The following ALDH7A1 variants were observed in gnomAD, a reference collection of about 807,000 sequenced individuals.
ALDH7A1 encodes the protein alpha-aminoadipic semialdehyde dehydrogenase.
ALDH7A1 carries 63 observed loss-of-function variants against 79.9 expected under a neutral mutation model. The observed-to-expected ratio is 0.79, with a 90% confidence interval of 0.64 to 0.97. The LOEUF is 0.97. Ranked by LOEUF, ALDH7A1 falls within the 50% of genes least tolerant of loss-of-function variation. The pLI, the probability that ALDH7A1 is intolerant of heterozygous loss-of-function variation, is 0.00. For missense variants in ALDH7A1, 627 were observed against 665.2 expected (o/e 0.94, Z 0.63); for synonymous variants, 240 against 231.2 (o/e 1.04, Z -0.34).
At chr5:126,565,779 G>A (rs1750560949) in intron 9 of ALDH7A1, among the ~76,000 whole-genome samples, 1 of 152,156 alleles carries the variant, frequency 6.6e-6, no homozygotes, top group African/African-American at 2.4e-5. Flanking sequence ...AGATGTAGTA[G>A]GGGCCTGACT....
At chr5:126,557,377 A>T (rs1297957315) in intron 11 of ALDH7A1, among the ~76,000 whole-genome samples, 1 of 152,210 alleles carries the variant, frequency 6.6e-6, no homozygotes, top group Non-Finnish European at 1.5e-5. Flanking sequence ...ACCTGAGGTC[A>T]GGAGTTTGAG....
chr5:126,583,146 C>T (rs1751230920), intron 4 of ALDH7A1, among the ~76,000 whole-genome samples, 172 bp from the exon 5 acceptor site: 1 of 152,192 alleles, frequency 6.6e-6, no homozygotes, highest in Admixed American at 6.5e-5. Flanking sequence ...TTTTTCCTGT[C>T]TACCTTGTTA....
chr5:126,552,778 C>A (rs2112757222), intron 13 of ALDH7A1, among the ~76,000 whole-genome samples: 1 of 150,350 alleles, frequency 6.7e-6, no homozygotes, highest in Non-Finnish European at 1.5e-5. Context: ...TTGATTTGGT[C>A]TTGCTTTGTT....
At chr5:126,550,341 CA>C (rs1749951256) in intron 14 of ALDH7A1, 48 bp from the exon 15 acceptor site, 6 of 1,395,328 alleles carry the variant, frequency 4.3e-6, no homozygotes, top group Non-Finnish European at 6.1e-6. Context: ...GTGTTCAAGT[CA>C]AAGTTCACTG....
rs60720055 is a variant in ALDH7A1 at position 126,592,703 on chromosome 5, A to G, written c.273T>C (p.Thr91=). 0.028 allele frequency: 44,544 copies of G among 1,613,936 alleles called. 1,362 individuals carry two copies. Among genetic ancestry groups the G allele is most frequent in the African/African-American group, 0.15 (11,156 of 74,998 alleles). ...TCCATGCTTCTCTTGCTTTCTTTAC[A>G]GTTTCTTCATAGTCTGCCACACTGG... is the stretch of plus-strand genomic sequence containing the variant. ...RQASVADYEE[T]VKKAREAWKI... is the part of the protein sequence containing the mutation. Residue 91 remains threonine, a synonymous_variant, in exon 3 of 18, where the codon ACT becomes ACC. Coordinates refer to ENST00000409134, the MANE Select transcript of ALDH7A1 (RefSeq NM_001182.5).
chr5:126,564,296 C>T (rs1750498219), intron 9 of ALDH7A1: 2 of 261,842 alleles, frequency 7.6e-6, no homozygotes, highest in South Asian at 1.7e-4. Flanking sequence ...GCTGGGCATG[C>T]CGCCACACCT....
In ALDH7A1 at chr5:126,547,192, G is replaced by A. The variant is rs118023630; in HGVS notation, c.1490-793C>T. On this transcript the variant is annotated intron_variant, in intron 16 of 17. Coordinates refer to ENST00000409134, the MANE Select transcript of ALDH7A1 (RefSeq NM_001182.5). ...CGGAGCTAGTGACAGCAGTAAATGG[G>A]ACTGGGATGGTGTCTCTTGGTTCCT... Among the ~76,000 whole-genome samples, 95 of 152,334 alleles carry A rather than the reference G, an allele frequency of 6.2e-4. No individual in the cohort carries two copies. The East Asian group carries it at 0.017, about 27-fold the overall frequency.
intron 9 of ALDH7A1, among the ~76,000 whole-genome samples, chr5:126,566,433 C>T (rs904909115): frequency 6.6e-6 from 1 of 152,136 alleles, no homozygotes; most frequent in Non-Finnish European, 1.5e-5. Flanking sequence ...AATCTTGAGT[C>T]CTGCAACCTT....
At chr5:126,557,037 A>G (rs1300924370) in intron 11 of ALDH7A1, among the ~76,000 whole-genome samples, 1 of 152,232 alleles carries the variant, frequency 6.6e-6, no homozygotes, top group Non-Finnish European at 1.5e-5. Flanking sequence ...TGAAAAAAAT[A>G]AAAATTGGCT....
At chr5:126,574,037 A>AAG (rs1391113960) in intron 7 of ALDH7A1, among the ~76,000 whole-genome samples, 1 of 151,220 alleles carries the variant, frequency 6.6e-6, no homozygotes, top group East Asian at 1.9e-4. Flanking sequence ...AAAAAAAAAA[A>AAG]AAAAAAAAAG....
At chr5:126,548,611 G>C (rs1378357189) in intron 16 of ALDH7A1, among the ~76,000 whole-genome samples, 1 of 151,926 alleles carries the variant, frequency 6.6e-6, no homozygotes, top group Non-Finnish European at 1.5e-5. Context: ...AATTTTTGTA[G>C]AGATGAGTTT....
chr5:126,545,520 C>T (rs750904945), intron 17 of ALDH7A1, among the ~76,000 whole-genome samples: 34 of 146,608 alleles, frequency 2.3e-4, no homozygotes, highest in Middle Eastern at 3.4e-3. Flanking sequence ...GCCTCAGCCT[C>T]CTGAACTGCT....
intron 3 of ALDH7A1, chr5:126,589,085 A>G (rs1376189412): frequency 6.6e-6 from 1 of 151,836 alleles, no homozygotes; most frequent in Non-Finnish European, 1.5e-5. Context: ...GGAATGAGGG[A>G]GTAATGGGAA....
At chr5:126,551,925 C>T in intron 14 of ALDH7A1, 96 bp downstream of exon 14, 1 of 980,482 alleles carries the variant, frequency 1.0e-6, no homozygotes, top group Non-Finnish European at 1.6e-6. Context: ...CTTTCTAAAA[C>T]CCTCTTAAAG....
chr5:126,554,173 G>C (rs1750096081), intron 13 of ALDH7A1, 114 bp downstream of exon 13: 1 of 785,408 alleles, frequency 1.3e-6, no homozygotes, highest in African/African-American at 1.7e-5. Flanking sequence ...AATAAAGACA[G>C]GAGAAGAAGG....
intron 1 of ALDH7A1, 23 bp from the exon 2 acceptor site, chr5:126,593,427 C>A (rs752100211): frequency 6.2e-7 from 1 of 1,613,522 alleles, no homozygotes; most frequent in South Asian, 1.1e-5. Flanking sequence ...GGATGATGAT[C>A]ATGTATAGAA....
chr5:126,568,151 G>T (rs546385724), intron 9 of ALDH7A1, 108 bp downstream of exon 9: 2 of 1,002,234 alleles, frequency 2.0e-6, no homozygotes, highest in South Asian at 1.3e-5. Flanking sequence ...AAATAAACAT[G>T]ACCACTGCCT....
intron 9 of ALDH7A1, chr5:126,564,553 A>G (rs1750505933): frequency 8.0e-7 from 1 of 1,248,330 alleles, no homozygotes. Flanking sequence ...TATCAGGAGC[A>G]TATGTGACAA....
chr5:126,590,050 G>A (rs1751499170), intron 3 of ALDH7A1, among the ~76,000 whole-genome samples: 1 of 149,856 alleles, frequency 6.7e-6, no homozygotes, highest in African/African-American at 2.5e-5. Context: ...GCCCCGTCTG[G>A]AAAGTGAAGA....
Sources: gnomAD v4.1 joint callset for allele counts (sites outside exome capture counted in the v4.1 genomes callset) on GRCh38, gnomAD v4.1.1 for gene constraint, MANE v1.5 for transcripts, NCBI Gene and HGNC (gene_info 2026-07-23, HGNC 2026-07-21) for gene names.